The following LRRC27 variants were observed in gnomAD, a reference collection of about 807,000 sequenced individuals.
LRRC27 encodes leucine rich repeat containing 27, also known as leucine-rich repeat-containing protein 27.
A neutral mutation model predicts 55.0 loss-of-function variants in LRRC27; 57 were observed. The ratio of observed to expected loss-of-function variants is 1.04; its 90% confidence interval spans 0.84 to 1.29. The LOEUF is 1.29. LRRC27 is among the 50% of genes most tolerant of loss of function. LRRC27 has a pLI of 0.00. For synonymous variants in LRRC27, 278 were observed against 251.9 expected, an observed-to-expected ratio of 1.10 and a Z score of -0.98; for missense variants, 721 against 651.5, an observed-to-expected ratio of 1.11 and a Z score of -1.16.
intron 8 of LRRC27, among the ~76,000 whole-genome samples, chr10:132,359,976 G>C (rs1375472585): frequency 6.6e-6 from 1 of 152,170 alleles, no homozygotes; most frequent in Non-Finnish European, 1.5e-5. Flanking sequence ...GTTCGAAAAA[G>C]TCTTCCTTCT....
At chr10:132,352,147 G>GGT (rs2068061080) in intron 7 of LRRC27, among the ~76,000 whole-genome samples, 1 of 86,716 alleles carries the variant, frequency 1.2e-5, no homozygotes, top group Non-Finnish European at 2.7e-5. Flanking sequence ...GTGTGGGGCA[G>GGT]GCGCTGAGGC....
chr10:132,367,132 C>T (rs1001882392), intron 10 of LRRC27: 1 of 344,162 alleles, frequency 2.9e-6, no homozygotes, highest in Non-Finnish European at 4.2e-6. Flanking sequence ...ATGAACAACT[C>T]TAGCCACAGA....
rs2069323490 is a variant in LRRC27, at chr10:132,375,388, T to C, written c.*146T>C. On this transcript the variant is annotated 3_prime_UTR_variant, in exon 11 of 11. Coordinates refer to ENST00000368614, the MANE Select transcript of LRRC27 (RefSeq NM_030626.3). ...ATTTCGCGCAGCCTGTTGTTTTCCT[T>C]AGACAGGTCCACGTCCCTCTCCTGA... 4.5e-6 allele frequency: 3 copies of C among 671,282 alleles called. No homozygotes were observed. Among genetic ancestry groups the C allele is most frequent in the South Asian group, 2.0e-5 (1 of 50,556 alleles). The allele number at this position is 671,282 out of a possible 1,614,324, so 41.6% of individuals were successfully genotyped here.
chr10:132,332,227 C>G lies in LRRC27; in HGVS notation c.-78C>G, dbSNP rs1220550861. 1 of 153,892 alleles carries G rather than the reference C, an allele frequency of 6.5e-6. No individual in the cohort carries two copies. Among genetic ancestry groups the G allele is most frequent in the Non-Finnish European group, 1.4e-5 (1 of 69,206 alleles). 9.5% of individuals were successfully genotyped at this position (153,892 alleles called of 1,614,324 possible). ...CTGCTGCTCTCAGCGGCGGGGCTCG[C>G]CAGCGCTTCAGTGGGCGGGGACGCG... On this transcript the variant is annotated 5_prime_UTR_variant, in exon 1 of 11. Transcript: ENST00000368614.
upstream of LRRC27, chr10:132,331,543 G>C (rs770672904): frequency 4.3e-6 from 7 of 1,612,830 alleles, no homozygotes; most frequent in Non-Finnish European, 5.9e-6. Context: ...GGCAAGATTT[G>C]GGGACAAGCA....
intron 5 of LRRC27, 61 bp from the exon 6 acceptor site, chr10:132,347,923 G>A: frequency 6.6e-7 from 1 of 1,518,352 alleles, no homozygotes; most frequent in Non-Finnish European, 8.8e-7. Context: ...CTGGCTTTTT[G>A]AATAAGTCAC....
chr10:132,373,831 C>T (rs1300774938), intron 10 of LRRC27, among the ~76,000 whole-genome samples: 2 of 151,944 alleles, frequency 1.3e-5, no homozygotes, highest in Admixed American at 6.6e-5. Context: ...AGGAGGATGT[C>T]GAGAGAGGTT....
At chr10:132,345,552 G>T (rs112018973) in intron 5 of LRRC27, among the ~76,000 whole-genome samples, 1 of 152,214 alleles carries the variant, frequency 6.6e-6, no homozygotes, top group Non-Finnish European at 1.5e-5. Context: ...CGCTGAAGCC[G>T]CCTGGCTGTG....
At position 132,360,262 on chromosome 10, in the gene LRRC27, AT is replaced by A. The variant is rs2133032230; in HGVS notation, c.1171-1189del. Among the ~76,000 whole-genome samples, 3 of 152,138 alleles carry A rather than the reference AT, an allele frequency of 2.0e-5. No homozygotes were observed. In the East Asian group the frequency reaches 5.8e-4, roughly 29 times the overall value. ...AGGCATGCGCCACCACACCTGGCTA[AT>A]TTTTTGTGTTTTTAGTAGAGACAGG... On this transcript the variant is annotated intron_variant, in intron 8 of 10. Coordinates refer to ENST00000368614, the MANE Select transcript of LRRC27 (RefSeq NM_030626.3).
chr10:132,379,904 G>A lies in LRRC27; in HGVS notation c.*4662G>A, dbSNP rs2069389387. On this transcript the variant is annotated 3_prime_UTR_variant, in exon 11 of 11. Coordinates refer to ENST00000368614, the MANE Select transcript of LRRC27 (RefSeq NM_030626.3). Reference sequence around the variant, plus strand: ...AAAAACTTTGCAGATGAGCCACATAGCCTAGAAATATCTGAAAAAAGAAAA... The same window carrying A: ...AAAAACTTTGCAGATGAGCCACATAACCTAGAAATATCTGAAAAAAGAAAA... 1 of 152,304 alleles carries A rather than the reference G, an allele frequency of 6.6e-6. No individual in the cohort carries two copies. The highest frequency in any genetic ancestry group is 6.5e-5 in the Admixed American group (1 of 15,278). The allele number at this position is 152,304 out of a possible 1,614,324, so 9.4% of individuals were successfully genotyped here. A position where few individuals can be genotyped will look rare whatever the true frequency, so the allele number is the denominator to read the frequency against.
chr10:132,349,286 C>T (rs759139816), intron 6 of LRRC27, among the ~76,000 whole-genome samples: 26 of 152,198 alleles, frequency 1.7e-4, no homozygotes, highest in Non-Finnish European at 4.4e-5. Flanking sequence ...GCGTCCAGCA[C>T]GAGCAGGTTC....
chr10:132,331,494 G>A (rs774402670), upstream of LRRC27: 6 of 1,612,840 alleles, frequency 3.7e-6, no homozygotes, highest in South Asian at 3.3e-5. Flanking sequence ...CTCCAAAGAG[G>A]ACGCTCTGAG....
chr10:132,347,054 A>G (rs1652048650), intron 5 of LRRC27, among the ~76,000 whole-genome samples: 1 of 152,208 alleles, frequency 6.6e-6, no homozygotes, highest in Non-Finnish European at 1.5e-5. Flanking sequence ...GTGGCTCCCA[A>G]AGTGCCTGGA....
chr10:132,330,312 G>C, upstream of LRRC27: 1 of 639,046 alleles, frequency 1.6e-6, no homozygotes, highest in South Asian at 1.7e-5. Flanking sequence ...TGTTTTATTT[G>C]TGAAAAGAGA....
intron 8 of LRRC27, among the ~76,000 whole-genome samples, chr10:132,356,745 T>C (rs1414257094): frequency 2.6e-5 from 4 of 152,246 alleles, no homozygotes; most frequent in Non-Finnish European, 5.9e-5. Flanking sequence ...GGCACAGAGC[T>C]GCGGGCATGG....
At position 132,372,425 on chromosome 10, in the gene LRRC27, G is replaced by A. The variant is rs181913765; in HGVS notation, c.1417-2641G>A. Among the ~76,000 whole-genome samples the A allele has an allele frequency of 4.2e-4, 64 of 152,274 alleles. No individual in the cohort carries two copies. The highest frequency in any genetic ancestry group is 1.5e-3 in the African/African-American group (62 of 41,548). ...CTACTAAAAATACAAAAAATTAGCC[G>A]GGCACAGTGGTGTGCACCTGTAATC... On this transcript the variant is annotated intron_variant, in intron 10 of 10. Transcript: ENST00000368614. This position sits in a 1 kb window ranked among gnomAD's most constrained non-coding sequence, Gnocchi z 4.0.
At chr10:132,352,568 G>A (rs1400047068) in intron 7 of LRRC27, among the ~76,000 whole-genome samples, 1 of 78,068 alleles carries the variant, frequency 1.3e-5, no homozygotes, top group Non-Finnish European at 2.6e-5. Flanking sequence ...TGGGGCAGGC[G>A]CTGAGGCCTC....
chr10:132,364,676 G>C (rs117718116), intron 9 of LRRC27, among the ~76,000 whole-genome samples: 2 of 22,196 alleles, frequency 9.0e-5, no homozygotes, highest in Non-Finnish European at 9.8e-5. Context: ...GCACACCCAC[G>C]CTTACACCCA....
At chr10:132,362,024 C>G (rs1386155161) in intron 9 of LRRC27, among the ~76,000 whole-genome samples, 1 of 152,222 alleles carries the variant, frequency 6.6e-6, no homozygotes, top group Non-Finnish European at 1.5e-5. Context: ...CCCTCAGGGC[C>G]GCTCAGCCCT....
Sources: allele counts gnomAD v4.1 joint callset (sites outside exome capture counted in the v4.1 genomes callset), GRCh38; gene constraint gnomAD v4.1.1; non-coding constraint Gnocchi (gnomAD v3.1); transcripts MANE v1.5; gene names NCBI Gene and HGNC (gene_info 2026-07-23, HGNC 2026-07-21).